SEL1L2: variants seen among roughly 807,000 people sequenced by gnomAD.
SEL1L2 encodes SEL1L2 adaptor subunit of SYVN1 ubiquitin ligase.
Under a neutral mutation model 98.8 loss-of-function variants are expected in SEL1L2, and 89 were observed. That is an observed-to-expected ratio of 0.90 (90% CI 0.76 to 1.07). The LOEUF is 1.07. Among genes scored for constraint, SEL1L2 ranks in the 50% least tolerant of loss-of-function variants. The pLI, the probability that SEL1L2 is intolerant of heterozygous loss-of-function variation, is 0.00. For synonymous variants in SEL1L2, 262 were observed against 278.5 expected (o/e 0.94, Z 0.59); for missense variants, 788 against 812.0 (o/e 0.97, Z 0.36).
At chr20:13,852,771 A>T (rs1308613009) in intron 18 of SEL1L2, among the ~76,000 whole-genome samples, 1 of 152,234 alleles carries the variant, frequency 6.6e-6, no homozygotes, top group Non-Finnish European at 1.5e-5. Flanking sequence ...AAGATACAGA[A>T]TTCTTCTGCA....
At chr20:13,850,046 G>T in intron 19 of SEL1L2, 145 bp downstream of exon 19, 2 of 811,030 alleles carry the variant, frequency 2.5e-6, no homozygotes, top group Non-Finnish European at 3.9e-6. Context: ...GAATTACTCT[G>T]CATGGCAAGT....
At chr20:13,883,523 C>A (rs2147962786) in intron 10 of SEL1L2, among the ~76,000 whole-genome samples, 1 of 152,332 alleles carries the variant, frequency 6.6e-6, no homozygotes, top group East Asian at 1.9e-4. Flanking sequence ...TACTTTATGT[C>A]TCCAGCCTCT....
chr20:13,975,608 A>G (rs2051495562), intron 1 of SEL1L2, among the ~76,000 whole-genome samples: 1 of 152,242 alleles, frequency 6.6e-6, no homozygotes, highest in South Asian at 2.1e-4. Context: ...TGTATTTTAC[A>G]AAGTATAGCA....
intron 2 of SEL1L2, among the ~76,000 whole-genome samples, chr20:13,943,563 A>C (rs984475797): frequency 7.3e-5 from 11 of 150,726 alleles, no homozygotes; most frequent in African/African-American, 2.4e-4. Context: ...TCATTCCTTG[A>C]TACAAGGATT....
chr20:13,920,222 C>T (rs1308825926), intron 3 of SEL1L2, among the ~76,000 whole-genome samples: 4 of 107,186 alleles, frequency 3.7e-5, no homozygotes, highest in African/African-American at 9.1e-5. Context: ...AGCGAGACTC[C>T]GTCCCAAAAA....
chr20:13,918,338 C>T (rs1360111294), intron 4 of SEL1L2, among the ~76,000 whole-genome samples: 2 of 152,112 alleles, frequency 1.3e-5, no homozygotes, highest in Non-Finnish European at 2.9e-5. Flanking sequence ...TAGCTAGAGC[C>T]TTGAGGGGTG....
At chr20:13,898,747 A>G (rs1400299784) in intron 5 of SEL1L2, among the ~76,000 whole-genome samples, 1 of 151,664 alleles carries the variant, frequency 6.6e-6, no homozygotes, top group Non-Finnish European at 1.5e-5. Context: ...TTTTATTTTT[A>G]GTTATTTATT....
rs2047028900 is a variant in SEL1L2, at chr20:13,887,861, G to A, written c.664-11C>T. On this transcript the variant is annotated splice_polypyrimidine_tract_variant and intron_variant, in intron 7 of 19. Coordinates refer to ENST00000284951, the MANE Select transcript of SEL1L2 (RefSeq NM_025229.2). ...CAAATATCTGTACCCCTAAAACACA[G>A]ACAGATGCATTCTTAATATTCAAGA... 6.2e-7 allele frequency: 1 copy of A among 1,609,386 alleles called. No individual in the cohort carries two copies.
At chr20:13,913,647 A>G (rs2048291489) in intron 5 of SEL1L2, 135 bp downstream of exon 5, 1 of 713,698 alleles carries the variant, frequency 1.4e-6, no homozygotes, top group Admixed American at 4.2e-5. Context: ...CCACTGTTTC[A>G]GTGCATTATG....
At chr20:13,853,911 C>T (rs922452099) in intron 18 of SEL1L2, among the ~76,000 whole-genome samples, 16 of 152,200 alleles carry the variant, frequency 1.1e-4, no homozygotes, top group African/African-American at 3.6e-4. Flanking sequence ...GCTATACACA[C>T]ACAAAATACT....
chr20:13,955,934 G>A (rs893736333), intron 2 of SEL1L2, 142 bp downstream of exon 2: 6 of 585,878 alleles, frequency 1.0e-5, no homozygotes, highest in Non-Finnish European at 1.8e-5. Context: ...GCAAATGTTT[G>A]TTGAATGAAT....
intron 5 of SEL1L2, among the ~76,000 whole-genome samples, chr20:13,903,624 T>G (rs1347187358): frequency 6.6e-6 from 1 of 151,942 alleles, no homozygotes; most frequent in East Asian, 1.9e-4. Context: ...ACCAGCCTGA[T>G]CAACATGGTG....
intron 10 of SEL1L2, among the ~76,000 whole-genome samples, chr20:13,881,049 C>T (rs1195831832): frequency 6.6e-6 from 1 of 152,188 alleles, no homozygotes; most frequent in East Asian, 1.9e-4. Flanking sequence ...GAGTCTCACT[C>T]TGTCGCCAGG....
chr20:13,884,338 G>A (rs2046846951), intron 10 of SEL1L2, among the ~76,000 whole-genome samples: 1 of 151,944 alleles, frequency 6.6e-6, no homozygotes, highest in South Asian at 2.1e-4. Context: ...TACTTCCCAG[G>A]TCTGTGGTGA....
chr20:13,896,225 C>A (rs6105181), intron 5 of SEL1L2, among the ~76,000 whole-genome samples: 127,255 of 152,042 alleles, frequency 0.84, 53,414 homozygotes, highest in Middle Eastern at 0.88. Flanking sequence ...TAATCCCAGC[C>A]CTTGGGGAGG....
In SEL1L2 at chr20:13,866,637, A is replaced by G. The variant is rs956127028; in HGVS notation, c.1404+65T>C. Reference sequence around the variant, plus strand: ...AATCAAAGACACCAACAATTTAAGAACAGTATCACCTCCTCTGTGTCATAT... The same window carrying G: ...AATCAAAGACACCAACAATTTAAGAGCAGTATCACCTCCTCTGTGTCATAT... On this transcript the variant is annotated intron_variant, in intron 15 of 19. Coordinates refer to ENST00000284951, the MANE Select transcript of SEL1L2 (RefSeq NM_025229.2). The G allele has an allele frequency of 8.7e-6, 11 of 1,266,166 alleles. No homozygotes were observed. The African/African-American group carries it at 1.7e-4, about 19-fold the overall frequency. 78.4% of individuals were successfully genotyped at this position (1,266,166 alleles called of 1,614,324 possible). A position where few individuals can be genotyped will look rare whatever the true frequency, so the allele number is the denominator to read the frequency against.
intron 2 of SEL1L2, among the ~76,000 whole-genome samples, chr20:13,935,774 C>T (rs1005815377): frequency 6.6e-6 from 1 of 152,062 alleles, no homozygotes. Context: ...TCAGAAGTAT[C>T]ATTCTGGCTC....
intron 5 of SEL1L2, among the ~76,000 whole-genome samples, chr20:13,908,403 C>T (rs181815108): frequency 1.3e-4 from 20 of 152,204 alleles, no homozygotes; most frequent in East Asian, 5.8e-4. Context: ...GGATCATAGG[C>T]GTCAGCCACC....
intron 17 of SEL1L2, among the ~76,000 whole-genome samples, chr20:13,860,376 G>A (rs998018964): frequency 2.0e-5 from 3 of 152,098 alleles, no homozygotes; most frequent in South Asian, 2.1e-4. Flanking sequence ...CCCCTTGCCC[G>A]TGAAGCTGCT....
Sources: gnomAD v4.1 joint callset for allele counts (sites outside exome capture counted in the v4.1 genomes callset) on GRCh38, gnomAD v4.1.1 for gene constraint, MANE v1.5 for transcripts, NCBI Gene and HGNC (gene_info 2026-07-23, HGNC 2026-07-21) for gene names.